The following ABCB5 variants were observed in gnomAD, a reference collection of about 807,000 sequenced individuals.
ABCB5 encodes the protein ATP-binding cassette sub-family B member 5.
A neutral mutation model predicts 144.2 loss-of-function variants in ABCB5; 155 were observed. The observed-to-expected ratio is 1.08, with a 90% confidence interval of 0.94 to 1.23. The LOEUF (loss-of-function observed/expected upper bound fraction) is 1.23. ABCB5 is among the 50% of genes most tolerant of loss of function. The pLI is 0.00. For synonymous variants in ABCB5, 610 were observed against 528.6 expected (o/e 1.15, Z -2.11); for missense variants, 1,830 against 1,520.8 (o/e 1.20, Z -3.38).
chr7:20,682,312 C>G (rs1785856768), intron 15 of ABCB5, among the ~76,000 whole-genome samples: 2 of 152,238 alleles, frequency 1.3e-5, no homozygotes, highest in South Asian at 2.1e-4. Flanking sequence ...AGACTTAAAA[C>G]TCAGCTACAG....
intron 22 of ABCB5, among the ~76,000 whole-genome samples, chr7:20,728,013 T>A (rs1782091305): frequency 1.3e-5 from 2 of 152,202 alleles, no homozygotes; most frequent in Non-Finnish European, 2.9e-5. Context: ...AATCTCTAAC[T>A]CTTACACTAG....
At position 20,646,158 on chromosome 7, in the gene ABCB5, A is replaced by G. The variant is rs1385344358; in HGVS notation, c.981+20A>G. ...CTTGCTGTAAGTCTTGTTTGAGAAC[A>G]AGGTGTCAGGCCTGGATAATCTTTC... On this transcript the variant is annotated intron_variant, in intron 9 of 27. Transcript: ENST00000404938. 1 of 1,604,702 alleles carries G rather than the reference A, an allele frequency of 6.2e-7. No homozygotes were observed. Among genetic ancestry groups the G allele is most frequent in the Admixed American group, 1.7e-5 (1 of 58,014 alleles).
At chr7:20,618,695 T>G (rs1158037986) in intron 1 of ABCB5, among the ~76,000 whole-genome samples, 1 of 151,094 alleles carries the variant, frequency 6.6e-6, no homozygotes, top group African/African-American at 2.4e-5. Context: ...TTAATTCACT[T>G]AAGATAATAG....
At chr7:20,616,069 T>C (rs1413825968) in intron 1 of ABCB5, among the ~76,000 whole-genome samples, 2 of 152,308 alleles carry the variant, frequency 1.3e-5, no homozygotes, top group East Asian at 3.9e-4. Context: ...AGGGTCTCAC[T>C]CTGTCACCCA....
intron 16 of ABCB5, among the ~76,000 whole-genome samples, chr7:20,697,383 A>G (rs1185983393): frequency 6.6e-6 from 1 of 152,208 alleles, no homozygotes; most frequent in Non-Finnish European, 1.5e-5. Context: ...TTATTTTAAG[A>G]GTGAATGCCA....
chr7:20,688,425 T>C (rs1490262463), intron 16 of ABCB5, among the ~76,000 whole-genome samples: 1 of 152,080 alleles, frequency 6.6e-6, no homozygotes, highest in East Asian at 1.9e-4. Context: ...ATCTCTACCA[T>C]CTCACACCAG....
In ABCB5 at chr7:20,745,345, C is replaced by G; in HGVS notation, c.3336C>G (p.Ala1112=). 6.2e-7 allele frequency: 1 copy of G among 1,614,108 alleles called. No individual in the cohort carries two copies. The highest frequency in any genetic ancestry group is 8.5e-7 in the Non-Finnish European group (1 of 1,179,996). The part of the protein sequence containing the change: ...LFNCSIAENI[A]YGDNSRVVPL... Reference sequence around the variant, plus strand: ...ACTGCAGCATTGCTGAGAACATCGCCTATGGTGACAACAGCCGTGTGGTGC... The same window carrying G: ...ACTGCAGCATTGCTGAGAACATCGCGTATGGTGACAACAGCCGTGTGGTGC... Residue 1112 remains alanine (A), a synonymous_variant, in exon 26 of 28, where the codon GCC becomes GCG. Coordinates refer to ENST00000404938, the MANE Select transcript of ABCB5 (RefSeq NM_001163941.2).
intron 7 of ABCB5, 111 bp downstream of exon 7, chr7:20,643,743 C>A: frequency 1.7e-6 from 2 of 1,161,346 alleles, no homozygotes; most frequent in East Asian, 5.0e-5. Flanking sequence ...TCCCAAACTA[C>A]AAAGGGATAT....
At position 20,658,598 on chromosome 7, in the gene ABCB5, CA is replaced by C. The variant is rs144050488; in HGVS notation, c.1631del (p.Lys544ArgfsTer3). 460 of 1,614,118 alleles carry C rather than the reference CA, an allele frequency of 2.8e-4. 1 individual carries two copies. In the African/African-American group the frequency reaches 5.3e-3, roughly 19 times the overall value. ...AIARALVRNP[K>X]ILILDEATSA... ...TTGCTCGTGCCTTAGTTCGAAACCC[CA>C]AGATTCTGATTTTAGATGAGGCTAC... is the stretch of plus-strand genomic sequence containing the variant. On this transcript the variant is annotated frameshift_variant, in exon 14 of 28. Coordinates refer to ENST00000404938, the MANE Select transcript of ABCB5 (RefSeq NM_001163941.2). LOFTEE classifies it high-confidence loss of function.
intron 14 of ABCB5, chr7:20,660,406 G>A (rs1230742896): frequency 1.0e-6 from 1 of 985,504 alleles, no homozygotes; most frequent in Non-Finnish European, 1.2e-6. Context: ...GTGTGAAACT[G>A]CTTTATGTAT....
Position 20,650,048 on chromosome 7 carries a change from T to G in ABCB5, c.1233T>G (p.Ile411Met). 1 of 1,613,282 alleles carries G rather than the reference T, an allele frequency of 6.2e-7. No individual in the cohort carries two copies. The highest frequency in any genetic ancestry group is 1.3e-5 in the African/African-American group (1 of 75,020). ...TTCTGAAAGGTCTGAATCTCAGAAT[T>G]AAGTCTGGAGAGACAGTCGCCTTGG... ...IKILKGLNLR[I>M]KSGETVALVG... Residue 411 changes from isoleucine (I) to methionine (M), a missense_variant, in exon 12 of 28, where the codon ATT (isoleucine) becomes ATG (methionine). Ile to Met is a conservative substitution (Grantham distance 10, BLOSUM62 1). Coordinates refer to ENST00000404938, the MANE Select transcript of ABCB5 (RefSeq NM_001163941.2).
chr7:20,741,322 ATACT>A (rs1426982974), intron 24 of ABCB5, among the ~76,000 whole-genome samples: 1 of 152,092 alleles, frequency 6.6e-6, no homozygotes, highest in Admixed American at 6.5e-5. Context: ...ATTATACAAA[ATACT>A]TACAAGAGCA....
At position 20,699,825 on chromosome 7, in the gene ABCB5, A is replaced by G. The variant is rs750696698; in HGVS notation, c.2155A>G (p.Met719Val). The G allele has an allele frequency of 1.3e-6, 2 of 1,584,574 alleles. No individual in the cohort carries two copies. Among genetic ancestry groups the G allele is most frequent in the Non-Finnish European group, 1.7e-6 (2 of 1,161,446 alleles). The change falls in exon 18 of 28, where the codon ATG (methionine) becomes GTG (valine). Residue 719 changes from methionine (M) to valine (V), a missense_variant and splice_region_variant. Coordinates refer to ENST00000404938, the MANE Select transcript of ABCB5 (RefSeq NM_001163941.2). ...FSIIFAKIIT[M>V]FGNNDKTTLK... ...CTGATAAAAATCTGTTCCTTTTCAGATGTTTGGAAATAATGATAAAACCAC... is the reference window on the plus strand; with the variant it reads ...CTGATAAAAATCTGTTCCTTTTCAGGTGTTTGGAAATAATGATAAAACCAC...
chr7:20,745,153 G>C, intron 25 of ABCB5, 79 bp from the exon 26 acceptor site: 1 of 1,361,132 alleles, frequency 7.3e-7, no homozygotes. Context: ...TATGATTTGT[G>C]TGTGTTTGAA....
intron 7 of ABCB5, among the ~76,000 whole-genome samples, chr7:20,645,402 C>T (rs1328516133): frequency 2.6e-5 from 4 of 152,108 alleles, no homozygotes; most frequent in Admixed American, 6.5e-5. Flanking sequence ...ACTTGCTATG[C>T]GAATAGGCAA....
intron 25 of ABCB5, 129 bp from the exon 26 acceptor site, chr7:20,745,103 C>T: frequency 2.0e-6 from 2 of 1,001,486 alleles, no homozygotes; most frequent in Non-Finnish European, 3.0e-6. Flanking sequence ...CCTTGGGTAA[C>T]TTTATACTTT....
In ABCB5 at chr7:20,755,864, C is replaced by G. The variant is rs751144657; in HGVS notation, c.*240C>G. 6.8e-6 allele frequency: 3 copies of G among 442,478 alleles called. No individual in the cohort carries two copies. Among genetic ancestry groups the G allele is most frequent in the Non-Finnish European group, 1.2e-5 (3 of 247,684 alleles). The allele number at this position is 442,478 out of a possible 1,614,324, so 27.4% of individuals were successfully genotyped here. A position where few individuals can be genotyped will look rare whatever the true frequency, so the allele number is the denominator to read the frequency against. ...ATATCCTTCACTTTATAAAACTATT[C>G]TAGCACATTTGCTTGTAAAGCAGTT... On this transcript the variant is annotated 3_prime_UTR_variant, in exon 28 of 28. Coordinates refer to ENST00000404938, the MANE Select transcript of ABCB5 (RefSeq NM_001163941.2).
chr7:20,704,028 G>A (rs1263189787), intron 19 of ABCB5, among the ~76,000 whole-genome samples: 1 of 145,754 alleles, frequency 6.9e-6, no homozygotes, highest in African/African-American at 2.5e-5. Context: ...GTTAGTTTAG[G>A]TAGAAAGTTT....
At chr7:20,686,585 G>A (rs908827334) in intron 16 of ABCB5, among the ~76,000 whole-genome samples, 7 of 151,968 alleles carry the variant, frequency 4.6e-5, no homozygotes, top group African/African-American at 9.7e-5. Flanking sequence ...CCCAGCCTCC[G>A]CATTCACTGA....
Sources: gnomAD v4.1 joint callset for allele counts (sites outside exome capture counted in the v4.1 genomes callset) on GRCh38, gnomAD v4.1.1 for gene constraint, MANE v1.5 for transcripts, NCBI Gene and HGNC (gene_info 2026-07-23, HGNC 2026-07-21) for gene names.